Variants in TXNRD1 observed in about 807,000 individuals in gnomAD.
The protein encoded by TXNRD1 is thioredoxin reductase 1.
In TXNRD1, 57 loss-of-function variants were observed where a neutral mutation model predicts 80.3. The ratio of observed to expected loss-of-function variants is 0.71; its 90% CI spans 0.57 to 0.89. The LOEUF is 0.89. Ranked by LOEUF, TXNRD1 falls within the 40% of genes least tolerant of loss-of-function variation. The probability of loss-of-function intolerance (pLI) is 0.00; values close to 1 mark genes in which losing one functional copy is unlikely to be tolerated. For missense variants in TXNRD1, 730 were observed against 803.0 expected (o/e 0.91, Z 1.10); for synonymous variants, 291 against 285.2 (o/e 1.02, Z -0.20).
chr12:104,306,509 C>A (rs890909297), intron 4 of TXNRD1, among the ~76,000 whole-genome samples: 2 of 152,046 alleles, frequency 1.3e-5, no homozygotes, highest in African/African-American at 4.8e-5. Context: ...TTATGCATAG[C>A]AGTGGCAAAC....
At chr12:104,247,185 A>G (rs2033013303) in intron 1 of TXNRD1, among the ~76,000 whole-genome samples, 1 of 151,790 alleles carries the variant, frequency 6.6e-6, no homozygotes, top group Admixed American at 6.6e-5. Context: ...CTCCCTCCTC[A>G]GCCTCCCAAG....
intron 16 of TXNRD1, chr12:104,339,527 TATC>T: frequency 1.7e-6 from 1 of 594,980 alleles, no homozygotes; most frequent in Non-Finnish European, 3.1e-6. Context: ...ATATTTTATT[TATC>T]ATATCTTCTA....
At chr12:104,339,689 G>A (rs777592928) in intron 16 of TXNRD1, among the ~76,000 whole-genome samples, 1 of 152,198 alleles carries the variant, frequency 6.6e-6, no homozygotes, top group African/African-American at 2.4e-5. Context: ...AAGATCAAAT[G>A]ACAGTAGAAC....
rs1338213910 is a variant in TXNRD1 at position 104,251,672 on chromosome 12, T to G, written c.237T>G (p.Cys79Trp). The G allele has an allele frequency of 1.2e-6, 2 of 1,613,470 alleles. No homozygotes were observed. The highest frequency in any genetic ancestry group is 2.7e-5 in the African/African-American group (2 of 75,016). ...VIFSRSTCTR[C>W]TEVKKLFKSL... The stretch of plus-strand genomic sequence containing the variant: ...TCAGTAGGTCCACATGCACACGCTG[T>G]ACTGAGGTAAGGCTTTAAACTCAAG... The change falls in exon 2 of 17, where the codon TGT becomes TGG. Residue 79 changes from cysteine to tryptophan, a missense_variant. By Grantham distance (215) the Cys-to-Trp change is radical. Coordinates refer to ENST00000525566, the MANE Select transcript of TXNRD1 (RefSeq NM_001093771.3).
At chr12:104,215,956 G>A in intron 1 of TXNRD1, 63 bp downstream of exon 1, 1 of 1,431,094 alleles carries the variant, frequency 7.0e-7, no homozygotes, top group Non-Finnish European at 9.6e-7. Context: ...TTCCGGCCGG[G>A]GTTGGGGATA....
At chr12:104,240,318 A>T (rs2032831464) in intron 1 of TXNRD1, among the ~76,000 whole-genome samples, 1 of 152,114 alleles carries the variant, frequency 6.6e-6, no homozygotes, top group South Asian at 2.1e-4. Flanking sequence ...GTTGAAATAC[A>T]GTGTAACCAC....
intron 6 of TXNRD1, 35 bp from the exon 7 acceptor site, chr12:104,315,742 G>A (rs1187273883): frequency 6.3e-7 from 1 of 1,591,404 alleles, no homozygotes; most frequent in Non-Finnish European, 8.6e-7. Flanking sequence ...GGCTTGGAAA[G>A]CAGGTTATAA....
intron 1 of TXNRD1, among the ~76,000 whole-genome samples, chr12:104,223,378 T>A (rs1018592516): frequency 1.3e-5 from 2 of 152,192 alleles, no homozygotes; most frequent in African/African-American, 4.8e-5. Context: ...GTCATCAAAT[T>A]CGTTTTAGGT....
chr12:104,281,411 TTTTTTTTC>T (rs2135735423), intron 3 of TXNRD1, among the ~76,000 whole-genome samples: 1 of 83,746 alleles, frequency 1.2e-5, no homozygotes, highest in African/African-American at 5.2e-5. Context: ...TTTTTTTTTT[TTTTTTTTC>T]TTTTTGAGAT....
intron 3 of TXNRD1, among the ~76,000 whole-genome samples, chr12:104,282,450 G>A (rs774346146): frequency 3.3e-5 from 5 of 152,168 alleles, no homozygotes; most frequent in Non-Finnish European, 7.3e-5. Flanking sequence ...GCTTTCACAA[G>A]TACCTCCTCT....
At chr12:104,305,233 CAT>C (rs1017339953) in intron 4 of TXNRD1, 4 of 226,342 alleles carry the variant, frequency 1.8e-5, no homozygotes, top group African/African-American at 4.6e-5. Context: ...ATTTGCAAAA[CAT>C]AATAATTTAC....
At chr12:104,310,260 C>G (rs2035089087) in intron 4 of TXNRD1, among the ~76,000 whole-genome samples, 1 of 152,002 alleles carries the variant, frequency 6.6e-6, no homozygotes, top group South Asian at 2.1e-4. Context: ...AGCGCTTCTC[C>G]TGCCTCAGCC....
At chr12:104,335,076 T>C (rs982600517) in intron 15 of TXNRD1, among the ~76,000 whole-genome samples, 2 of 152,216 alleles carry the variant, frequency 1.3e-5, no homozygotes, top group African/African-American at 2.4e-5. Flanking sequence ...TCTGGTGTTA[T>C]TACGTGTAAA....
intron 1 of TXNRD1, among the ~76,000 whole-genome samples, chr12:104,229,515 G>C (rs991733855): frequency 1.3e-5 from 2 of 151,408 alleles, no homozygotes; most frequent in Non-Finnish European, 2.9e-5. Flanking sequence ...GCATGTATTA[G>C]TACTTCTTTT....
chr12:104,331,779 G>A, intron 14 of TXNRD1, 138 bp downstream of exon 14: 1 of 582,296 alleles, frequency 1.7e-6, no homozygotes, highest in East Asian at 2.9e-5. Context: ...TACTAACATT[G>A]TGCCAATTTA....
At chr12:104,287,637 G>A (rs534161650) in intron 3 of TXNRD1, among the ~76,000 whole-genome samples, 21 of 152,180 alleles carry the variant, frequency 1.4e-4, no homozygotes, top group Non-Finnish European at 2.2e-4. Flanking sequence ...GGGAAAGCAA[G>A]GCTCAGAAAG....
intron 11 of TXNRD1, 109 bp downstream of exon 11, chr12:104,325,538 C>T (rs947742311): frequency 6.2e-5 from 49 of 784,540 alleles, no homozygotes; most frequent in Non-Finnish European, 8.9e-5. Context: ...TGTACTGGTT[C>T]TATGCCAATT....
chr12:104,291,373 G>A (rs890064277), intron 4 of TXNRD1, among the ~76,000 whole-genome samples: 2 of 148,044 alleles, frequency 1.4e-5, no homozygotes, highest in Admixed American at 6.8e-5. Flanking sequence ...GCTAATTTTT[G>A]TATTTTTAGT....
intron 3 of TXNRD1, among the ~76,000 whole-genome samples, chr12:104,273,014 A>G (rs556862683): frequency 6.6e-6 from 1 of 152,020 alleles, no homozygotes; most frequent in African/African-American, 2.4e-5. Flanking sequence ...TTTAAAATCT[A>G]TAGATAATTT....
Sources: gnomAD v4.1 joint callset for allele counts (sites outside exome capture counted in the v4.1 genomes callset) on GRCh38, gnomAD v4.1.1 for gene constraint, MANE v1.5 for transcripts, NCBI Gene and HGNC (gene_info 2026-07-23, HGNC 2026-07-21) for gene names.